C12orf50: variants seen among roughly 807,000 people sequenced by gnomAD.
C12orf50 encodes zinc finger CCCH-type containing 11D.
In C12orf50, 35 loss-of-function variants were observed where a neutral mutation model predicts 61.6. That is an observed-to-expected ratio of 0.57 (90% CI 0.43 to 0.75). C12orf50 has a LOEUF of 0.75. Ranked by LOEUF, C12orf50 falls within the 30% of genes least tolerant of loss-of-function variation. C12orf50 has a pLI of 0.00. For synonymous variants in C12orf50, 178 were observed against 161.5 expected (o/e 1.10, Z -0.77); for missense variants, 475 against 488.5 (o/e 0.97, Z 0.26).
At chr12:88,022,848 A>T (rs1190894972) in intron 3 of C12orf50, among the ~76,000 whole-genome samples, 1 of 152,206 alleles carries the variant, frequency 6.6e-6, no homozygotes, top group African/African-American at 2.4e-5. Flanking sequence ...GCCCAAAGAA[A>T]GCAGAGATGA....
At chr12:87,990,517 T>C (rs1162452330) in intron 7 of C12orf50, among the ~76,000 whole-genome samples, 1 of 152,042 alleles carries the variant, frequency 6.6e-6, no homozygotes, top group Non-Finnish European at 1.5e-5. Flanking sequence ...CAAAAACAAC[T>C]ATAAAATACC....
At chr12:88,017,989 A>C (rs2032373665) in intron 3 of C12orf50, among the ~76,000 whole-genome samples, 1 of 152,238 alleles carries the variant, frequency 6.6e-6, no homozygotes, top group Non-Finnish European at 1.5e-5. Context: ...TGACAATAAG[A>C]TACAAAAGAA....
rs367823872 is a variant in C12orf50, at chr12:88,007,085, C to T, written c.134-8895G>A. On this transcript the variant is annotated intron_variant, in intron 3 of 12. Transcript: ENST00000298699. Reference sequence around the variant, plus strand: ...TAGGGAACAGGTTCATGGAATTCTTCGCAACATCATTCTGAAAGTAATCTA... The same window carrying T: ...TAGGGAACAGGTTCATGGAATTCTTTGCAACATCATTCTGAAAGTAATCTA... Among the ~76,000 whole-genome samples the T allele has an allele frequency of 9.2e-5, 14 of 152,232 alleles. No homozygotes were observed. In the East Asian group the frequency reaches 1.7e-3, roughly 19 times the overall value.
chr12:88,006,135 C>G (rs983504902), intron 3 of C12orf50, among the ~76,000 whole-genome samples: 1 of 152,014 alleles, frequency 6.6e-6, no homozygotes, highest in Non-Finnish European at 1.5e-5. Context: ...CTGGGATGGT[C>G]TCGATCTCCT....
At chr12:88,004,937 C>G (rs1158630604) in intron 3 of C12orf50, among the ~76,000 whole-genome samples, 5 of 152,084 alleles carry the variant, frequency 3.3e-5, no homozygotes, top group African/African-American at 9.7e-5. Context: ...AGGTACTATG[C>G]TTATAACCTG....
At chr12:88,019,690 C>T (rs534400142) in intron 3 of C12orf50, among the ~76,000 whole-genome samples, 2 of 150,604 alleles carry the variant, frequency 1.3e-5, no homozygotes, top group East Asian at 1.9e-4. Flanking sequence ...AGAGGAAGAA[C>T]AATCCAGGGA....
chr12:87,982,678 G>A (rs1409871764), intron 12 of C12orf50, among the ~76,000 whole-genome samples: 5 of 151,904 alleles, frequency 3.3e-5, no homozygotes, highest in Non-Finnish European at 5.9e-5. Context: ...TACTGGCTGA[G>A]AAATTTCATC....
intron 4 of C12orf50, among the ~76,000 whole-genome samples, chr12:87,997,185 G>A (rs2031434212): frequency 6.6e-6 from 1 of 152,116 alleles, no homozygotes; most frequent in South Asian, 2.1e-4. Flanking sequence ...TCATACTCTT[G>A]TGAGGATGAC....
At chr12:87,988,650 A>G (rs1277718850) in intron 8 of C12orf50, among the ~76,000 whole-genome samples, 2 of 152,116 alleles carry the variant, frequency 1.3e-5, no homozygotes, top group African/African-American at 4.8e-5. Flanking sequence ...ATCACAGGCA[A>G]CCTTTCCTAT....
chr12:88,026,524 G>C lies in C12orf50; in HGVS notation c.97C>G (p.Arg33Gly), dbSNP rs774591065. 1 of 1,613,728 alleles carries C rather than the reference G, an allele frequency of 6.2e-7. No individual in the cohort carries two copies. Among genetic ancestry groups the C allele is most frequent in the Non-Finnish European group, 8.5e-7 (1 of 1,179,904 alleles). Residue 33 changes from arginine to glycine, a missense_variant, in exon 3 of 13, where the codon CGA becomes GGA. Physicochemically the swap from Arg to Gly is moderately radical, Grantham distance 125 (BLOSUM62 -2). Coordinates refer to ENST00000298699, the MANE Select transcript of C12orf50 (RefSeq NM_152589.3). The stretch of plus-strand genomic sequence containing the variant: ...GGCAAAAATAATCCATTGATATTTC[G>C]AGGTTTGCTGTGATAAAAGATACAG... ...ISCIFYHSKP[R>G]NINGLFLPPS... is the part of the protein sequence containing the mutation.
In C12orf50 at chr12:87,998,101, G is replaced by T. The variant is rs1357099750; in HGVS notation, c.223C>A (p.Pro75Thr). The stretch of plus-strand genomic sequence containing the variant: ...TTTAAAACTAAAGGATGGTGGATGG[G>T]TCGTGATATATTTTCCTGAGGTTTC... ...PLKPQENISR[P>T]IHHPLVLKTN... Residue 75 changes from proline (P) to threonine (T), a missense_variant, in exon 4 of 13, where the codon CCC becomes ACC. Transcript: ENST00000298699. 1 of 1,612,884 alleles carries T rather than the reference G, an allele frequency of 6.2e-7. No individual in the cohort carries two copies. The highest frequency in any genetic ancestry group is 1.7e-4 in the Middle Eastern group (1 of 6,056).
intron 3 of C12orf50, among the ~76,000 whole-genome samples, chr12:88,014,507 G>A (rs1186505207): frequency 6.6e-6 from 1 of 152,112 alleles, no homozygotes. Context: ...CACCGTATGA[G>A]CCAGGATGGT....
chr12:88,013,093 GA>G (rs1019449383), intron 3 of C12orf50, among the ~76,000 whole-genome samples: 11 of 148,542 alleles, frequency 7.4e-5, no homozygotes, highest in Non-Finnish European at 6.0e-5. Context: ...TGACAAGGAA[GA>G]AAAAAAAATC....
At chr12:88,019,302 A>G (rs1466919884) in intron 3 of C12orf50, among the ~76,000 whole-genome samples, 1 of 152,190 alleles carries the variant, frequency 6.6e-6, no homozygotes, top group African/African-American at 2.4e-5. Flanking sequence ...TGCTGCTGCC[A>G]TCCATGTAAG....
intron 9 of C12orf50, among the ~76,000 whole-genome samples, chr12:87,986,977 T>G (rs909127314): frequency 3.3e-5 from 5 of 152,174 alleles, no homozygotes; most frequent in Non-Finnish European, 7.4e-5. Context: ...ATCAATATTT[T>G]ATATGTATTC....
chr12:88,012,220 A>G lies in C12orf50; in HGVS notation c.134-14030T>C, dbSNP rs187675037. ...CTACTATATCGCATCATGCCAGGGC[A>G]TTTCATACATGAACATCTACTTTCT... On this transcript the variant is annotated intron_variant, in intron 3 of 12. Coordinates refer to ENST00000298699, the MANE Select transcript of C12orf50 (RefSeq NM_152589.3). 1.1e-3 allele frequency among the ~76,000 whole-genome samples: 173 copies of G among 152,346 alleles called. 1 individual carries two copies. Among genetic ancestry groups the G allele is most frequent in the African/African-American group, 4.1e-3 (170 of 41,582 alleles).
At chr12:87,998,888 C>T (rs10777087) in intron 3 of C12orf50, among the ~76,000 whole-genome samples, 25,166 of 152,026 alleles carry the variant, frequency 0.17, 3,467 homozygotes, top group African/African-American at 0.38. Flanking sequence ...CAAATGTTGC[C>T]GGGACGACTA....
chr12:88,003,457 T>A (rs1419460174), intron 3 of C12orf50, among the ~76,000 whole-genome samples: 2 of 152,104 alleles, frequency 1.3e-5, no homozygotes, highest in African/African-American at 2.4e-5. Flanking sequence ...GCTTTCCACC[T>A]GAAAGTTTTC....
chr12:87,985,785 G>T, intron 11 of C12orf50, 65 bp downstream of exon 11: 1 of 1,538,698 alleles, frequency 6.5e-7, no homozygotes, highest in Non-Finnish European at 9.0e-7. Flanking sequence ...TAGCCAAGCT[G>T]TCAAGAAATT....
Sources: allele counts gnomAD v4.1 joint callset (sites outside exome capture counted in the v4.1 genomes callset), GRCh38; gene constraint gnomAD v4.1.1; transcripts MANE v1.5; gene names NCBI Gene and HGNC (gene_info 2026-07-23, HGNC 2026-07-21).